Variants in SEZ6L2 observed in about 807,000 individuals in gnomAD.
SEZ6L2 encodes seizure related 6 homolog like 2.
SEZ6L2 carries 44 observed loss-of-function variants against 97.0 expected under a neutral mutation model. The ratio of observed to expected loss-of-function variants is 0.45; its 90% CI spans 0.36 to 0.58. The LOEUF (loss-of-function observed/expected upper bound fraction) is 0.58. Ranked by LOEUF, SEZ6L2 falls within the 20% of genes least tolerant of loss-of-function variation. SEZ6L2 has a pLI of 0.00. For missense variants in SEZ6L2, 1,086 were observed against 1,233.3 expected (o/e 0.88, Z 1.79); for synonymous variants, 543 against 546.1 (o/e 0.99, Z 0.08).
Position 29,898,995 on chromosome 16 carries a change from G to C in SEZ6L2, c.25C>G (p.Pro9Ala). 2 of 1,611,554 alleles carry C rather than the reference G, an allele frequency of 1.2e-6. No homozygotes were observed. The highest frequency in any genetic ancestry group is 2.2e-5 in the South Asian group (2 of 90,950). MGTPRAQH[P>A]PPPQLLFLIL... ...AGGAACAGCAGCTGGGGAGGCGGCG[G>C]GTGCTGGGCCCTGGGAGTCCCCATG... Residue 9 changes from proline to alanine, a missense_variant, in exon 1 of 18, where the codon CCG becomes GCG. Pro to Ala is a conservative substitution (Grantham distance 27, BLOSUM62 -1). Transcript: ENST00000617533.
chr16:29,899,198 T>A lies in SEZ6L2; in HGVS notation c.-179A>T. ...TTGGGATGGAGGGGCAGAATTGGGC[T>A]AGGGGTCGCCTGGAGCCCACCCCCC... is the stretch of plus-strand genomic sequence containing the variant. On this transcript the variant is annotated 5_prime_UTR_variant, in exon 1 of 18. Coordinates refer to ENST00000617533, the MANE Select transcript of SEZ6L2 (RefSeq NM_001243332.2). 2 of 572,514 alleles carry A rather than the reference T, an allele frequency of 3.5e-6. No individual in the cohort carries two copies. The highest frequency in any genetic ancestry group is 6.0e-6 in the Non-Finnish European group (2 of 332,406). The allele number at this position is 572,514 out of a possible 1,614,324, so 35.5% of individuals were successfully genotyped here.
intron 7 of SEZ6L2, among the ~76,000 whole-genome samples, chr16:29,886,480 C>T (rs2068142919): frequency 6.6e-6 from 1 of 151,426 alleles, no homozygotes; most frequent in Non-Finnish European, 1.5e-5. Flanking sequence ...TCGAGACCAT[C>T]CTGGCTAACA....
Position 29,872,516 on chromosome 16 carries a change from G to A in SEZ6L2, c.2538C>T (p.Thr846=), listed in dbSNP as rs757829203. The change falls in exon 16 of 18, where the codon ACC becomes ACT. Residue 846 remains threonine (T), a synonymous_variant. Coordinates refer to ENST00000617533, the MANE Select transcript of SEZ6L2 (RefSeq NM_001243332.2). The part of the protein sequence containing the change: ...LDNRKLEVTQ[T]TDPSRQLEGG... ...CTTCCAGCTGCCGTGATGGATCTGT[G>A]GTCTGGGTCACTACAGGAGGAGGAG... 1 of 1,614,116 alleles carries A rather than the reference G, an allele frequency of 6.2e-7. No individual in the cohort carries two copies. Among genetic ancestry groups the A allele is most frequent in the Non-Finnish European group, 8.5e-7 (1 of 1,180,002 alleles).
At chr16:29,898,098 A>T in intron 1 of SEZ6L2, 114 bp from the exon 2 acceptor site, 1 of 1,478,982 alleles carries the variant, frequency 6.8e-7, no homozygotes, top group Non-Finnish European at 9.1e-7. Context: ...GCAGGGGCTC[A>T]GATGGTCCCA....
chr16:29,893,840 C>T (rs1418368890), intron 5 of SEZ6L2, among the ~76,000 whole-genome samples: 2 of 152,166 alleles, frequency 1.3e-5, no homozygotes, highest in East Asian at 3.9e-4. Context: ...CAGTTTTGAG[C>T]TCTCACTGTG....
chr16:29,898,748 C>A (rs1265093527), intron 1 of SEZ6L2, among the ~76,000 whole-genome samples, 193 bp downstream of exon 1: 1 of 152,158 alleles, frequency 6.6e-6, no homozygotes, highest in Non-Finnish European at 1.5e-5. Context: ...TCATTCATTT[C>A]TCTGCCTTCT....
Position 29,871,581 on chromosome 16 carries a change from A to C in SEZ6L2, c.*118T>G. ...CAAAGCCCCCTCGTGGGATAGGGAG[A>C]CTATTTACACAGCCAGGGAGGAGGG... On this transcript the variant is annotated 3_prime_UTR_variant, in exon 18 of 18. Coordinates refer to ENST00000617533, the MANE Select transcript of SEZ6L2 (RefSeq NM_001243332.2). The C allele has an allele frequency of 1.0e-6, 1 of 988,316 alleles. No individual in the cohort carries two copies. Among genetic ancestry groups the C allele is most frequent in the Non-Finnish European group, 1.6e-6 (1 of 633,686 alleles). 61.2% of individuals were successfully genotyped at this position (988,316 alleles called of 1,614,324 possible).
rs541095994 is a variant in SEZ6L2, at chr16:29,874,550, GTTTTT to G, written c.2105-826_2105-822del. On this transcript the variant is annotated intron_variant, in intron 12 of 17. Transcript: ENST00000617533. ...AATATAATTCTTTGTGTGTGTGCTT[GTTTTT>G]TTTTTTTTTTTTTTTTTTTTTTTTT... Among the ~76,000 whole-genome samples the G allele has an allele frequency of 4.9e-3, 160 of 32,570 alleles. 15 individuals are homozygous for G. Among genetic ancestry groups the G allele is most frequent in the African/African-American group, 0.012 (147 of 12,158 alleles). The allele number at this position is 32,570 out of a possible 152,430, so 21.4% of individuals were successfully genotyped here.
chr16:29,896,782 C>A (rs1205176435), intron 3 of SEZ6L2, 40 bp downstream of exon 3: 2 of 1,589,422 alleles, frequency 1.3e-6, no homozygotes, highest in East Asian at 4.5e-5. Context: ...GCGTGTACCT[C>A]TCCGGTCCTC....
intron 1 of SEZ6L2, 128 bp downstream of exon 1, chr16:29,898,813 C>T: frequency 1.4e-6 from 1 of 709,738 alleles, no homozygotes; most frequent in Non-Finnish European, 2.3e-6. Context: ...TGGCTTGCCC[C>T]TTCCCCATCA....
chr16:29,894,993 C>T (rs763612111), intron 5 of SEZ6L2, among the ~76,000 whole-genome samples: 15 of 151,900 alleles, frequency 9.9e-5, no homozygotes, highest in African/African-American at 1.7e-4. Context: ...TCCTGGCTAA[C>T]GCGGTGAAAT....
At chr16:29,892,052 T>C (rs1468144516) in intron 5 of SEZ6L2, among the ~76,000 whole-genome samples, 1 of 152,148 alleles carries the variant, frequency 6.6e-6, no homozygotes, top group South Asian at 2.1e-4. Context: ...CTTTGAGAGA[T>C]AGAACTGACA....
chr16:29,875,661 C>T (rs1200466333), intron 12 of SEZ6L2, among the ~76,000 whole-genome samples: 11 of 112,712 alleles, frequency 9.8e-5, no homozygotes, highest in African/African-American at 3.8e-4. Flanking sequence ...TTCTTTCTTT[C>T]TTTCTTTTTT....
At chr16:29,897,737 G>T in intron 2 of SEZ6L2, 116 bp downstream of exon 2, 1 of 1,240,340 alleles carries the variant, frequency 8.1e-7, no homozygotes, top group Non-Finnish European at 1.1e-6. Flanking sequence ...AGGAATGCAG[G>T]CTCTTTCCTC....
At chr16:29,884,614 T>A (rs915103572) in intron 8 of SEZ6L2, among the ~76,000 whole-genome samples, 1 of 150,678 alleles carries the variant, frequency 6.6e-6, no homozygotes, top group Non-Finnish European at 1.5e-5. Flanking sequence ...TAAATAAAAA[T>A]AAATAAAAAC....
At chr16:29,877,032 C>A (rs1404750448) in intron 11 of SEZ6L2, 82 bp from the exon 12 acceptor site, 2 of 1,395,102 alleles carry the variant, frequency 1.4e-6, no homozygotes, top group Non-Finnish European at 2.0e-6. Flanking sequence ...GCTCTGTGCC[C>A]CCTCCCGGGA....
intron 2 of SEZ6L2, among the ~76,000 whole-genome samples, chr16:29,897,607 C>A (rs975594386): frequency 1.1e-4 from 15 of 139,022 alleles, no homozygotes; most frequent in Admixed American, 1.4e-4. Flanking sequence ...ATCTCTGTTT[C>A]TATGTGTCTG....
rs927526513 is a variant in SEZ6L2 at position 29,895,539 on chromosome 16, C to T, written c.652-79G>A. 1.8e-5 allele frequency: 27 copies of T among 1,523,844 alleles called. No homozygotes were observed. The Admixed American group carries it at 3.3e-4, about 18-fold the overall frequency. The allele number at this position is 1,523,844 out of a possible 1,614,324, so 94.4% of individuals were successfully genotyped here. A position where few individuals can be genotyped will look rare whatever the true frequency, so the allele number is the denominator to read the frequency against. ...CCAAAGCCCCTGTCCTGTGCCTTTGCCCTGTGTGTAGCAGCCCAAAAGGCA... is the reference window on the plus strand; with the variant it reads ...CCAAAGCCCCTGTCCTGTGCCTTTGTCCTGTGTGTAGCAGCCCAAAAGGCA... On this transcript the variant is annotated intron_variant, in intron 4 of 17. Transcript: ENST00000617533.
Position 29,896,937 on chromosome 16 carries a change from T to C in SEZ6L2, c.396A>G (p.Pro132=). The C allele has an allele frequency of 7.3e-7, 1 of 1,367,314 alleles. No homozygotes were observed. The allele number at this position is 1,367,314 out of a possible 1,614,324, so 84.7% of individuals were successfully genotyped here. ...LLTPPPGTTA[P]PPPSPASPGP... ...CTGGGGAGGCAGGGCTGGGTGGGGG[T>C]GGGGCTGTGGTTCCTGGGGGCGGGG... is the stretch of plus-strand genomic sequence containing the variant. The change falls in exon 3 of 18, where the codon CCA becomes CCG. Residue 132 remains proline, a synonymous_variant. Coordinates refer to ENST00000617533, the MANE Select transcript of SEZ6L2 (RefSeq NM_001243332.2).
Sources: allele counts gnomAD v4.1 joint callset (sites outside exome capture counted in the v4.1 genomes callset), GRCh38; gene constraint gnomAD v4.1.1; transcripts MANE v1.5; gene names NCBI Gene and HGNC (gene_info 2026-07-23, HGNC 2026-07-21).